Variants in TEAD1 observed in about 807,000 individuals in gnomAD.
TEAD1 encodes the protein transcriptional enhancer factor TEF-1.
In TEAD1, 9 loss-of-function variants were observed where a neutral mutation model predicts 54.9. That is an observed-to-expected ratio of 0.16 (90% confidence interval 0.10 to 0.29). TEAD1 has a LOEUF of 0.29. Ranked by LOEUF, TEAD1 falls within the 10% of genes least tolerant of loss-of-function variation. The pLI is 1.00. For synonymous variants in TEAD1, 200 were observed against 187.8 expected (o/e 1.07, Z -0.53); for missense variants, 387 against 535.9 (o/e 0.72, Z 2.74).
intron 2 of TEAD1, among the ~76,000 whole-genome samples, chr11:12,759,379 A>G (rs1305415228): frequency 6.8e-6 from 1 of 147,646 alleles, no homozygotes; most frequent in Non-Finnish European, 1.5e-5. Flanking sequence ...TCAGTAGGTT[A>G]TAGTGAAGGA....
chr11:12,930,414 C>G, intron 12 of TEAD1, 88 bp downstream of exon 12: 1 of 1,539,106 alleles, frequency 6.5e-7, no homozygotes, highest in Non-Finnish European at 8.9e-7. Context: ...GGCGCTGGGC[C>G]TGCGCCGAGG....
intron 2 of TEAD1, among the ~76,000 whole-genome samples, chr11:12,682,479 C>G (rs979256825): frequency 6.6e-6 from 1 of 152,152 alleles, no homozygotes; most frequent in Non-Finnish European, 1.5e-5. Flanking sequence ...TTCTGAGTAG[C>G]AGGGATGCTC....
intron 3 of TEAD1, among the ~76,000 whole-genome samples, chr11:12,853,545 A>G (rs1189957338): frequency 6.6e-6 from 1 of 152,226 alleles, no homozygotes; most frequent in Non-Finnish European, 1.5e-5. Flanking sequence ...TATGTGGCGT[A>G]TCTTTATTGC....
At chr11:12,781,317 T>C (rs59152100) in intron 3 of TEAD1, among the ~76,000 whole-genome samples, 6,450 of 152,030 alleles carry the variant, frequency 0.042, 485 homozygotes, top group African/African-American at 0.15. Flanking sequence ...AAAGTAAAAA[T>C]AGAGAAAATT....
chr11:12,707,116 T>TC (rs1182855836), intron 2 of TEAD1, among the ~76,000 whole-genome samples: 1 of 52,770 alleles, frequency 1.9e-5, no homozygotes, highest in African/African-American at 1.2e-4. Flanking sequence ...TTGTGGGACT[T>TC]TTTTTTTTTT....
At chr11:12,876,583 C>A (rs1046124368) in intron 5 of TEAD1, among the ~76,000 whole-genome samples, 1 of 152,194 alleles carries the variant, frequency 6.6e-6, no homozygotes, top group Admixed American at 6.5e-5. Context: ...GTCAGGCAGG[C>A]AAGACGTCTG....
At chr11:12,701,764 A>G (rs1289275508) in intron 2 of TEAD1, among the ~76,000 whole-genome samples, 1 of 152,188 alleles carries the variant, frequency 6.6e-6, no homozygotes, top group Non-Finnish European at 1.5e-5. Context: ...AAGAGACTTT[A>G]AGAGACTTAG....
rs548542356 is a variant in TEAD1, at chr11:12,883,734, C to G, written c.699+609C>G. Among the ~76,000 whole-genome samples the G allele has an allele frequency of 5.3e-5, 8 of 152,244 alleles. No individual in the cohort carries two copies. In the East Asian group the frequency reaches 1.5e-3, roughly 29 times the overall value. On this transcript the variant is annotated intron_variant, in intron 9 of 12. Coordinates refer to ENST00000527636, the MANE Select transcript of TEAD1 (RefSeq NM_021961.6). ...AGAACAACTTCTTAAGAAGAAGTGGCCAGGCATGGTGGCTCACGCCTGTAA... is the reference window on the plus strand; with the variant it reads ...AGAACAACTTCTTAAGAAGAAGTGGGCAGGCATGGTGGCTCACGCCTGTAA...
At chr11:12,731,970 A>AT (rs957202994) in intron 2 of TEAD1, among the ~76,000 whole-genome samples, 11 of 152,182 alleles carry the variant, frequency 7.2e-5, no homozygotes, top group Admixed American at 6.5e-5. Flanking sequence ...GGATAGCCTG[A>AT]TAGTGCGTTA....
chr11:12,857,179 A>G (rs991876952), intron 3 of TEAD1, among the ~76,000 whole-genome samples: 1 of 152,144 alleles, frequency 6.6e-6, no homozygotes, highest in Non-Finnish European at 1.5e-5. Flanking sequence ...CTCATTTCGA[A>G]CTGTGTTATA....
rs191961847 is a variant in TEAD1, at chr11:12,879,284, T to A, written c.331-424T>A. Among the ~76,000 whole-genome samples the A allele has an allele frequency of 1.5e-4, 23 of 152,306 alleles. No individual in the cohort carries two copies. In the East Asian group the frequency reaches 4.4e-3, roughly 29 times the overall value. On this transcript the variant is annotated intron_variant, in intron 5 of 12. Coordinates refer to ENST00000527636, the MANE Select transcript of TEAD1 (RefSeq NM_021961.6). ...AGGGCTCCTCGAGCTCTGTGGACGGTCCTACCCCAGTCCACAGCTACATCT... is the reference window on the plus strand; with the variant it reads ...AGGGCTCCTCGAGCTCTGTGGACGGACCTACCCCAGTCCACAGCTACATCT...
chr11:12,765,152 G>A (rs1008110414), intron 3 of TEAD1, among the ~76,000 whole-genome samples: 1 of 152,096 alleles, frequency 6.6e-6, no homozygotes, highest in African/African-American at 2.4e-5. Flanking sequence ...AGAGAGACCT[G>A]TTAACTATTT....
rs541359767 is a variant in TEAD1, at chr11:12,843,171, C to G, written c.203-19079C>G. 5.9e-5 allele frequency among the ~76,000 whole-genome samples: 9 copies of G among 152,318 alleles called. No homozygotes were observed. The East Asian group carries it at 1.7e-3, about 29-fold the overall frequency. ...GGATTTGAGCCAAGTCAGGCCCTTT[C>G]TTGGTCTTGGGAGGGTGCACATAGA... is the stretch of plus-strand genomic sequence containing the variant. On this transcript the variant is annotated intron_variant, in intron 3 of 12. Coordinates refer to ENST00000527636, the MANE Select transcript of TEAD1 (RefSeq NM_021961.6).
At position 12,686,261 on chromosome 11, in the gene TEAD1, C is replaced by T. The variant is rs757419160; in HGVS notation, c.-55+10700C>T. ...ACTTTTCTAGAATGGAGAGAAAATCCCAGGCAGGAGGGCTTTGTGGTGTCT... is the reference window on the plus strand; with the variant it reads ...ACTTTTCTAGAATGGAGAGAAAATCTCAGGCAGGAGGGCTTTGTGGTGTCT... On this transcript the variant is annotated intron_variant, in intron 2 of 12. Transcript: ENST00000527636. Among the ~76,000 whole-genome samples, 146 of 152,196 alleles carry T rather than the reference C, an allele frequency of 9.6e-4. 1 individual carries two copies. The highest frequency in any genetic ancestry group is 1.6e-3 in the Non-Finnish European group (107 of 68,012).
At chr11:12,718,279 G>C (rs1337787736) in intron 2 of TEAD1, among the ~76,000 whole-genome samples, 2 of 152,168 alleles carry the variant, frequency 1.3e-5, no homozygotes, top group African/African-American at 4.8e-5. Flanking sequence ...CTTGCTGGTT[G>C]TGGGACCTCT....
intron 1 of TEAD1, among the ~76,000 whole-genome samples, chr11:12,675,107 G>GCCGCGCCGCGCCCC (rs1943049995): frequency 6.8e-6 from 1 of 147,096 alleles, no homozygotes; most frequent in Admixed American, 6.7e-5. Context: ...CCCCCGGCCG[G>GCCGCGCCGCGCCCC]CCGCGCCGCG....
At chr11:12,736,202 C>T (rs1013602573) in intron 2 of TEAD1, among the ~76,000 whole-genome samples, 2 of 152,220 alleles carry the variant, frequency 1.3e-5, no homozygotes, top group Non-Finnish European at 1.5e-5. Flanking sequence ...GGGTCCTTTT[C>T]TCTTCCTCTC....
chr11:12,735,562 ATTTTTTT>A (rs58093822), intron 2 of TEAD1, among the ~76,000 whole-genome samples: 4 of 121,044 alleles, frequency 3.3e-5, no homozygotes, highest in African/African-American at 1.2e-4. Flanking sequence ...TCCTGGTTCG[ATTTTTTT>A]TTTTTTTTTT....
At position 12,927,742 on chromosome 11, in the gene TEAD1, C is replaced by G. The variant is rs1418503533; in HGVS notation, c.1015-2432C>G. On this transcript the variant is annotated intron_variant, in intron 11 of 12. Transcript: ENST00000527636. The stretch of plus-strand genomic sequence containing the variant: ...TTTCATTATACAGGTTTGTCTCTTT[C>G]TTGTTAAATATATTTCTAAATATTA... Among the ~76,000 whole-genome samples, 3 of 151,864 alleles carry G rather than the reference C, an allele frequency of 2.0e-5. No individual in the cohort carries two copies. The East Asian group carries it at 5.8e-4, about 29-fold the overall frequency.
Sources: allele counts gnomAD v4.1 joint callset (sites outside exome capture counted in the v4.1 genomes callset), GRCh38; gene constraint gnomAD v4.1.1; transcripts MANE v1.5; gene names NCBI Gene and HGNC (gene_info 2026-07-23, HGNC 2026-07-21).